The following CLRN3 variants were observed in gnomAD, a reference collection of about 807,000 sequenced individuals.
The protein encoded by CLRN3 is clarin 3, also known as clarin-3.
In CLRN3, 12 loss-of-function variants were observed where a neutral mutation model predicts 16.7. That is an observed-to-expected ratio of 0.72 (90% CI 0.46 to 1.16). The LOEUF is 1.16. Ranked by LOEUF, CLRN3 falls within the 50% of genes most tolerant of loss-of-function variation. CLRN3 has a pLI of 0.00. For missense variants in CLRN3, 296 were observed against 274.2 expected (o/e 1.08, Z -0.56); for synonymous variants, 118 against 113.0 (o/e 1.04, Z -0.28).
chr10:127,892,600 T>C lies in CLRN3; in HGVS notation c.185A>G (p.Glu62Gly), dbSNP rs780924246. Reference protein sequence around the residue: ...TYGLFRGESSEELSHGLAEPK... With the variant: ...TYGLFRGESSGELSHGLAEPK... ...TTCTGCAAGTCCGTGACTCAATTCT[T>C]CACTACTCTCCCCACGAAAAAGTCC... The change falls in exon 1 of 3, where the codon GAA becomes GGA. Residue 62 changes from glutamate to glycine, a missense_variant. By Grantham distance (98) the Glu-to-Gly change is moderately conservative. Transcript: ENST00000368671. The C allele has an allele frequency of 6.2e-7, 1 of 1,612,814 alleles. No homozygotes were observed. Among genetic ancestry groups the C allele is most frequent in the South Asian group, 1.1e-5 (1 of 91,068 alleles).
chr10:127,883,601 G>GACTGTGTATGTTCATGCAT, intron 2 of CLRN3, 95 bp downstream of exon 2: 1 of 905,138 alleles, frequency 1.1e-6, no homozygotes, highest in East Asian at 2.4e-5. Flanking sequence ...GTGTAAACGT[G>GACTGTGTATGTTCATGCAT]ACTGTGTATG....
intron 1 of CLRN3, among the ~76,000 whole-genome samples, chr10:127,887,421 T>G (rs1845209173): frequency 6.6e-6 from 1 of 151,882 alleles, no homozygotes; most frequent in Admixed American, 6.6e-5. Flanking sequence ...AAGCTGTTTT[T>G]GGGTATTCAC....
chr10:127,886,647 G>A (rs749954366), intron 1 of CLRN3, among the ~76,000 whole-genome samples: 5 of 152,244 alleles, frequency 3.3e-5, no homozygotes, highest in South Asian at 2.1e-4. Flanking sequence ...ATGGCCGCAT[G>A]TGCCTTGAAA....
intron 1 of CLRN3, among the ~76,000 whole-genome samples, chr10:127,888,675 T>C (rs1845224596): frequency 6.6e-6 from 1 of 152,106 alleles, no homozygotes; most frequent in Admixed American, 6.5e-5. Context: ...CTGCAGTGAA[T>C]CCTGACTCGG....
At chr10:127,879,082 T>G (rs1373459892) in intron 2 of CLRN3, among the ~76,000 whole-genome samples, 7 of 152,190 alleles carry the variant, frequency 4.6e-5, no homozygotes, top group African/African-American at 9.7e-5. Context: ...CCTTTTTTAT[T>G]CTTCACAATA....
chr10:127,882,197 C>T lies in CLRN3; in HGVS notation c.409+1499G>A, dbSNP rs563962973. On this transcript the variant is annotated intron_variant, in intron 2 of 2. Transcript: ENST00000368671. ...TTCATTCTACAGGACTTTTGTGCCTCGTCCATAGTGGCTGCCCATTAAATT... is the reference window on the plus strand; with the variant it reads ...TTCATTCTACAGGACTTTTGTGCCTTGTCCATAGTGGCTGCCCATTAAATT... Among the ~76,000 whole-genome samples, 249 of 152,278 alleles carry T rather than the reference C, an allele frequency of 1.6e-3. 1 individual carries two copies. Among genetic ancestry groups the T allele is most frequent in the Non-Finnish European group, 2.2e-3 (153 of 68,028 alleles).
chr10:127,884,083 C>T (rs1163862743), intron 1 of CLRN3, among the ~76,000 whole-genome samples: 6 of 152,162 alleles, frequency 3.9e-5, no homozygotes, highest in Non-Finnish European at 7.3e-5. Context: ...TGGGTATAAC[C>T]GCGACACTAC....
Position 127,892,563 on chromosome 10 carries a change from C to A in CLRN3, c.222G>T (p.Lys74Asn), listed in dbSNP as rs1438698895. ...AATTAGTTTATCATTTACCTGCAAA[C>A]TTTTTCTTTGGTTCTGCAAGTCCGT... ...LSHGLAEPKK[K>N]FAVLEILNNS... Residue 74 changes from lysine (K) to asparagine (N), a missense_variant, in exon 1 of 3, where the codon AAG (lysine) becomes AAT (asparagine). Transcript: ENST00000368671. The A allele has an allele frequency of 6.4e-7, 1 of 1,564,538 alleles. No individual in the cohort carries two copies. Among genetic ancestry groups the A allele is most frequent in the Non-Finnish European group, 8.8e-7 (1 of 1,134,490 alleles).
intron 1 of CLRN3, among the ~76,000 whole-genome samples, chr10:127,891,354 T>A (rs1845256056): frequency 6.6e-6 from 1 of 152,262 alleles, no homozygotes; most frequent in Non-Finnish European, 1.5e-5. Context: ...GTAGGTTTTG[T>A]CTCTTACTTA....
rs1564781224 is a variant in CLRN3, at chr10:127,892,802, T to C, written c.-18A>G. The C allele has an allele frequency of 2.0e-6, 3 of 1,468,482 alleles. No homozygotes were observed. In the South Asian group the frequency reaches 3.4e-5, roughly 17 times the overall value. The allele number at this position is 1,468,482 out of a possible 1,614,324, so 91.0% of individuals were successfully genotyped here. On this transcript the variant is annotated 5_prime_UTR_variant, in exon 1 of 3. Coordinates refer to ENST00000368671, the MANE Select transcript of CLRN3 (RefSeq NM_152311.5). ...GTAGGCATTTTCACAGGAAAATAAG[T>C]TCTCTAGGACAAAAAAAGGAATATC...
chr10:127,886,014 C>T (rs1223315536), intron 1 of CLRN3, among the ~76,000 whole-genome samples: 1 of 152,132 alleles, frequency 6.6e-6, no homozygotes, highest in Non-Finnish European at 1.5e-5. Context: ...CTTGGCCTAC[C>T]AAAGTGCTGG....
intron 1 of CLRN3, among the ~76,000 whole-genome samples, chr10:127,885,526 C>A (rs1845182913): frequency 6.6e-6 from 1 of 152,178 alleles, no homozygotes; most frequent in African/African-American, 2.4e-5. Flanking sequence ...AAAGTTCCTG[C>A]CAGCCTGGCC....
In CLRN3 at chr10:127,883,843, T is replaced by C. The variant is rs1845161037; in HGVS notation, c.262A>G (p.Thr88Ala). ...LEILNNSSQK[T>A]LHSVTILFLV... Reference sequence around the variant, plus strand: ...AACAGGATAGTCACCGAATGCAGAGTTTTTTGGGAAGAATTATTCAGTATC... The same window carrying C: ...AACAGGATAGTCACCGAATGCAGAGCTTTTTGGGAAGAATTATTCAGTATC... The change falls in exon 2 of 3, where the codon ACT (threonine) becomes GCT (alanine). Residue 88 changes from threonine (T) to alanine (A), a missense_variant. By Grantham distance (58) the Thr-to-Ala change is moderately conservative. Coordinates refer to ENST00000368671, the MANE Select transcript of CLRN3 (RefSeq NM_152311.5). The C allele has an allele frequency of 1.9e-6, 3 of 1,613,834 alleles. No homozygotes were observed. The highest frequency in any genetic ancestry group is 1.7e-6 in the Non-Finnish European group (2 of 1,179,950).
chr10:127,881,845 G>T (rs1412884498), intron 2 of CLRN3, among the ~76,000 whole-genome samples: 1 of 152,216 alleles, frequency 6.6e-6, no homozygotes, highest in Non-Finnish European at 1.5e-5. Context: ...AATGAATGAT[G>T]GAGTCAACGC....
At chr10:127,880,114 T>C (rs1359748266) in intron 2 of CLRN3, among the ~76,000 whole-genome samples, 1 of 152,214 alleles carries the variant, frequency 6.6e-6, no homozygotes, top group African/African-American at 2.4e-5. Flanking sequence ...TATTTCTTAA[T>C]AATTTGTCCG....
chr10:127,892,672 A>G lies in CLRN3; in HGVS notation c.113T>C (p.Ile38Thr). The G allele has an allele frequency of 6.2e-7, 1 of 1,612,144 alleles. No homozygotes were observed. Among genetic ancestry groups the G allele is most frequent in the South Asian group, 1.1e-5 (1 of 91,026 alleles). The change falls in exon 1 of 3, where the codon ATT (isoleucine) becomes ACT (threonine). Residue 38 changes from isoleucine to threonine, a missense_variant. Coordinates refer to ENST00000368671, the MANE Select transcript of CLRN3 (RefSeq NM_152311.5). ...LGTQAWITST[I>T]AVRDSASNGS... ...ATTTGAAGCAGAGTCTCTAACAGCA[A>G]TTGTACTGGTGATCCATGCTTGTGT...
intron 1 of CLRN3, among the ~76,000 whole-genome samples, chr10:127,887,845 C>A (rs1004877364): frequency 6.6e-6 from 1 of 152,180 alleles, no homozygotes; most frequent in Non-Finnish European, 1.5e-5. Flanking sequence ...AGGGGGCAAG[C>A]GTGTGAATCA....
intron 2 of CLRN3, among the ~76,000 whole-genome samples, chr10:127,882,492 G>A: frequency 6.6e-6 from 1 of 152,256 alleles, no homozygotes; most frequent in East Asian, 1.9e-4. Context: ...AAATGGCCAT[G>A]TGGCTGTGTT....
rs534511769 is a variant in CLRN3 at position 127,878,056 on chromosome 10, C to T, written c.*93G>A. ...CAAATGCTGTCACAGATGACAGTCACGTTACCATGCTGAATTGTCCAGAGA... is the reference window on the plus strand; with the variant it reads ...CAAATGCTGTCACAGATGACAGTCATGTTACCATGCTGAATTGTCCAGAGA... On this transcript the variant is annotated 3_prime_UTR_variant, in exon 3 of 3. Transcript: ENST00000368671. 3.2e-5 allele frequency: 46 copies of T among 1,424,324 alleles called. 1 individual carries two copies. Among genetic ancestry groups the T allele is most frequent in the Admixed American group, 1.7e-4 (9 of 53,518 alleles). The allele number at this position is 1,424,324 out of a possible 1,614,324, so 88.2% of individuals were successfully genotyped here. A position where few individuals can be genotyped will look rare whatever the true frequency, so the allele number is the denominator to read the frequency against.
Sources: gnomAD v4.1 joint callset for allele counts (sites outside exome capture counted in the v4.1 genomes callset) on GRCh38, gnomAD v4.1.1 for gene constraint, MANE v1.5 for transcripts, NCBI Gene and HGNC (gene_info 2026-07-23, HGNC 2026-07-21) for gene names.